IRAK1BP1: variants seen among roughly 807,000 people sequenced by gnomAD.
The protein encoded by IRAK1BP1 is interleukin-1 receptor-associated kinase 1-binding protein 1.
In IRAK1BP1, 24 loss-of-function variants were observed where a neutral mutation model predicts 28.0. The ratio of observed to expected loss-of-function variants is 0.86; its 90% confidence interval spans 0.62 to 1.20. The LOEUF is 1.20. Among genes scored for constraint, IRAK1BP1 ranks in the 50% most tolerant of loss-of-function variants. The probability of loss-of-function intolerance (pLI) is 0.00; values close to 1 mark genes in which losing one functional copy is unlikely to be tolerated. For missense variants in IRAK1BP1, 336 were observed against 316.7 expected, an observed-to-expected ratio of 1.06 and a Z score of -0.46; for synonymous variants, 131 against 116.3, an observed-to-expected ratio of 1.13 and a Z score of -0.81.
rs559713266 is a variant in IRAK1BP1 at position 78,873,907 on chromosome 6, C to A, written c.315+6016C>A. ...TCTCTTAAATAGGTAAGTAGCTGAA[C>A]TGACACCATTTACTGAAGTCTGTCT... On this transcript the variant is annotated intron_variant, in intron 1 of 3. Transcript: ENST00000369940. Among the ~76,000 whole-genome samples, 46 of 152,338 alleles carry A rather than the reference C, an allele frequency of 3.0e-4. 1 individual carries two copies. The South Asian group carries it at 5.4e-3, about 18-fold the overall frequency.
intron 4 of IRAK1BP1, among the ~76,000 whole-genome samples, chr6:78,917,566 C>T (rs955501435): frequency 1.4e-4 from 21 of 146,836 alleles, no homozygotes; most frequent in African/African-American, 5.3e-4. Flanking sequence ...CAGAGAACAC[C>T]TGTGAGATAC....
intron 1 of IRAK1BP1, 59 bp from the exon 2 acceptor site, chr6:78,885,319 T>C (rs984657855): frequency 1.1e-4 from 102 of 941,398 alleles, no homozygotes; most frequent in Middle Eastern, 4.4e-4. Context: ...CTAATTTATG[T>C]TTTAGAGTAA....
chr6:78,969,283 GTGTACAC>G, the IRAK1BP1 span, among the ~76,000 whole-genome samples: 6 of 152,160 alleles, frequency 3.9e-5, no homozygotes, highest in East Asian at 1.2e-3. Flanking sequence ...CATACATACC[GTGTACAC>G]ATCATACCAT....
At chr6:78,957,016 T>G in the IRAK1BP1 span, 2 of 152,038 alleles carry the variant, frequency 1.3e-5, no homozygotes, top group African/African-American at 4.8e-5. Context: ...CTTAATATCT[T>G]GAAGACTATC....
chr6:78,907,703 CA>C (rs1483028568), downstream of IRAK1BP1, among the ~76,000 whole-genome samples: 2 of 151,930 alleles, frequency 1.3e-5, no homozygotes, highest in Non-Finnish European at 2.9e-5. Flanking sequence ...ACTGAGATAA[CA>C]CTTGTTTTTA....
At chr6:78,963,399 T>G in the IRAK1BP1 span, 5 of 546,052 alleles carry the variant, frequency 9.2e-6, no homozygotes, top group South Asian at 1.6e-4. Flanking sequence ...AAGGAAAGTA[T>G]GTTTTAAGGG....
chr6:78,932,603 G>A (rs1409461201), intron 4 of IRAK1BP1, among the ~76,000 whole-genome samples: 1 of 151,918 alleles, frequency 6.6e-6, no homozygotes, highest in Non-Finnish European at 1.5e-5. Context: ...ATTTTTAGTA[G>A]AGACGGGGTT....
chr6:78,908,859 G>A (rs566679196), intron 4 of IRAK1BP1, among the ~76,000 whole-genome samples: 1 of 152,094 alleles, frequency 6.6e-6, no homozygotes, highest in Non-Finnish European at 1.5e-5. Flanking sequence ...CCAACAACAG[G>A]TTTATTTCTT....
chr6:78,911,580 GCA>G (rs1772421761), intron 4 of IRAK1BP1, among the ~76,000 whole-genome samples: 1 of 152,150 alleles, frequency 6.6e-6, no homozygotes, highest in Non-Finnish European at 1.5e-5. Context: ...ATCATATCCT[GCA>G]GGACTGCCAC....
chr6:78,895,185 TAGA>T (rs1270176442), intron 2 of IRAK1BP1, among the ~76,000 whole-genome samples: 1 of 151,058 alleles, frequency 6.6e-6, no homozygotes, highest in Non-Finnish European at 1.5e-5. Flanking sequence ...AAACCAGTAA[TAGA>T]AGGGCCTCAG....
chr6:78,903,014 A>G lies in IRAK1BP1; in HGVS notation c.*4680A>G. On this transcript the variant is annotated 3_prime_UTR_variant, in exon 4 of 4. Coordinates refer to ENST00000369940, the MANE Select transcript of IRAK1BP1 (RefSeq NM_001010844.4). Reference sequence around the variant, plus strand: ...CAGCAACTCCTGGAATCCTTCTTCAACATCCCAACCAACAATTACTCCCAG... The same window carrying G: ...CAGCAACTCCTGGAATCCTTCTTCAGCATCCCAACCAACAATTACTCCCAG... 6.6e-7 allele frequency: 1 copy of G among 1,523,712 alleles called. No homozygotes were observed. The highest frequency in any genetic ancestry group is 8.8e-7 in the Non-Finnish European group (1 of 1,138,552). The allele number at this position is 1,523,712 out of a possible 1,614,324, so 94.4% of individuals were successfully genotyped here. A position where few individuals can be genotyped will look rare whatever the true frequency, so the allele number is the denominator to read the frequency against.
At chr6:78,943,894 A>G (rs1773645475) in intron 4 of IRAK1BP1, among the ~76,000 whole-genome samples, 1 of 151,622 alleles carries the variant, frequency 6.6e-6, no homozygotes, top group Non-Finnish European at 1.5e-5. Flanking sequence ...GCTGAGGCAG[A>G]AGAATTGCTT....
the IRAK1BP1 span, among the ~76,000 whole-genome samples, chr6:78,973,208 G>C: frequency 1.3e-5 from 2 of 152,194 alleles, no homozygotes; most frequent in Non-Finnish European, 2.9e-5. Context: ...CCAGAAGAGA[G>C]TGGGGGCCAA....
At chr6:78,961,871 A>G in the IRAK1BP1 span, 4 of 1,344,902 alleles carry the variant, frequency 3.0e-6, no homozygotes, top group Non-Finnish European at 4.1e-6. Context: ...TTCAAGAAGA[A>G]TTCTGCTTGA....
the IRAK1BP1 span, among the ~76,000 whole-genome samples, chr6:78,967,797 A>G: frequency 1.3e-5 from 2 of 152,094 alleles, no homozygotes; most frequent in Non-Finnish European, 2.9e-5. Flanking sequence ...TTTGATCTCT[A>G]TTATTTGTTC....
chr6:78,972,573 T>C, the IRAK1BP1 span, among the ~76,000 whole-genome samples: 2 of 151,944 alleles, frequency 1.3e-5, no homozygotes, highest in Non-Finnish European at 2.9e-5. Context: ...GACGATCAAA[T>C]TACTCTGAGC....
chr6:78,942,074 T>A (rs1338243188), intron 4 of IRAK1BP1, among the ~76,000 whole-genome samples: 1 of 152,232 alleles, frequency 6.6e-6, no homozygotes, highest in Non-Finnish European at 1.5e-5. Context: ...ATATGGTAGG[T>A]GATTTGCAAT....
chr6:78,885,511 G>A, intron 2 of IRAK1BP1, 68 bp downstream of exon 2: 1 of 703,586 alleles, frequency 1.4e-6, no homozygotes. Flanking sequence ...TTCTTGAACT[G>A]AAATGAATGG....
chr6:78,949,171 C>A (rs1240107036), downstream of IRAK1BP1, among the ~76,000 whole-genome samples: 3 of 152,004 alleles, frequency 2.0e-5, no homozygotes, highest in Non-Finnish European at 4.4e-5. Flanking sequence ...TTCCTTTGTT[C>A]CCGGTTTTCT....
Sources: gnomAD v4.1 joint callset for allele counts (sites outside exome capture counted in the v4.1 genomes callset) on GRCh38, gnomAD v4.1.1 for gene constraint, MANE v1.5 for transcripts, NCBI Gene and HGNC (gene_info 2026-07-23, HGNC 2026-07-21) for gene names.